DDAH1: variants seen among roughly 807,000 people sequenced by gnomAD.
DDAH1 encodes N(G),N(G)-dimethylarginine dimethylaminohydrolase 1.
Under a neutral mutation model 28.8 loss-of-function variants are expected in DDAH1, and 19 were observed. That is an observed-to-expected ratio of 0.66 (90% CI 0.46 to 0.97). The LOEUF (loss-of-function observed/expected upper bound fraction) is 0.97. Among genes scored for constraint, DDAH1 ranks in the 50% least tolerant of loss-of-function variants. The pLI is 0.00. For synonymous variants in DDAH1, 153 were observed against 154.4 expected (o/e 0.99, Z 0.07); for missense variants, 326 against 375.9 (o/e 0.87, Z 1.10).
intron 1 of DDAH1, among the ~76,000 whole-genome samples, chr1:85,413,418 A>C (rs1267764693): frequency 1.3e-5 from 2 of 152,218 alleles, no homozygotes; most frequent in Non-Finnish European, 2.9e-5. Flanking sequence ...CCCTTTAACA[A>C]GGCTTCTGAA....
At chr1:85,482,377 T>C (rs1454772635) in intron 2 of DDAH1, 1 of 152,198 alleles carries the variant, frequency 6.6e-6, no homozygotes, top group East Asian at 1.9e-4. Context: ...GAAGGGTCAA[T>C]TTGTCAAAAA....
intron 1 of DDAH1, among the ~76,000 whole-genome samples, chr1:85,371,559 A>G (rs941300723): frequency 1.3e-5 from 2 of 152,202 alleles, no homozygotes; most frequent in South Asian, 2.1e-4. Context: ...TCAGAAATCA[A>G]TTTTGAAATT....
chr1:85,516,711 AC>A (rs1277935680), intron 1 of DDAH1, among the ~76,000 whole-genome samples: 5 of 149,908 alleles, frequency 3.3e-5, no homozygotes, highest in African/African-American at 1.2e-4. Flanking sequence ...GAAGTTTGGC[AC>A]TTTTACAGAT....
intron 1 of DDAH1, among the ~76,000 whole-genome samples, chr1:85,507,504 C>CAATAAATA (rs773565540): frequency 7.5e-4 from 112 of 148,582 alleles, no homozygotes; most frequent in African/African-American, 1.8e-3. Flanking sequence ...CCCTGCATCA[C>CAATAAATA]AATAAATAAA....
chr1:85,398,411 T>C (rs1651912013), intron 1 of DDAH1: 1 of 152,352 alleles, frequency 6.6e-6, no homozygotes, highest in South Asian at 2.1e-4. Context: ...AGAAAAACTA[T>C]AGTACACCTT....
At chr1:85,428,995 T>C (rs1307917519) in intron 1 of DDAH1, among the ~76,000 whole-genome samples, 1 of 151,990 alleles carries the variant, frequency 6.6e-6, no homozygotes, top group Non-Finnish European at 1.5e-5. Flanking sequence ...GCTGTGGGGA[T>C]AGGAGGCTTT....
At chr1:85,358,620 G>A in intron 2 of DDAH1, 128 bp downstream of exon 2, 1 of 687,240 alleles carries the variant, frequency 1.5e-6, no homozygotes, top group Non-Finnish European at 2.4e-6. Flanking sequence ...CTGCACTCCG[G>A]CCTAGGTGAC....
intron 1 of DDAH1, among the ~76,000 whole-genome samples, chr1:85,516,958 C>A (rs552592910): frequency 6.6e-6 from 1 of 152,192 alleles, no homozygotes; most frequent in East Asian, 1.9e-4. Flanking sequence ...AGAGTGCAGA[C>A]TGGCCAAACA....
At chr1:85,499,319 T>C (rs1240433584) in intron 1 of DDAH1, among the ~76,000 whole-genome samples, 1 of 152,204 alleles carries the variant, frequency 6.6e-6, no homozygotes, top group Non-Finnish European at 1.5e-5. Flanking sequence ...AATTCATATA[T>C]ACATTAAATT....
At chr1:85,408,839 C>T (rs762240785) in intron 1 of DDAH1, among the ~76,000 whole-genome samples, 16 of 152,134 alleles carry the variant, frequency 1.1e-4, no homozygotes, top group East Asian at 1.9e-4. Flanking sequence ...AGTAGTAAGA[C>T]GAATATGATG....
intron 1 of DDAH1, among the ~76,000 whole-genome samples, chr1:85,539,441 C>A (rs1287553090): frequency 1.3e-5 from 2 of 152,218 alleles, no homozygotes; most frequent in Non-Finnish European, 2.9e-5. Flanking sequence ...CCGCGCCTTG[C>A]CAAAGTTACA....
intron 2 of DDAH1, among the ~76,000 whole-genome samples, chr1:85,483,201 G>A (rs1255537328): frequency 2.2e-5 from 3 of 136,804 alleles, no homozygotes; most frequent in African/African-American, 5.6e-5. Flanking sequence ...GCAATAGAGT[G>A]AGACTATCTC....
intron 4 of DDAH1, among the ~76,000 whole-genome samples, chr1:85,327,477 T>C (rs1647480956): frequency 6.6e-6 from 1 of 152,216 alleles, no homozygotes. Context: ...AGAGAGATAA[T>C]TGCTACAAAG....
intron 2 of DDAH1, among the ~76,000 whole-genome samples, chr1:85,476,435 G>C (rs952280066): frequency 8.5e-5 from 13 of 152,200 alleles, no homozygotes; most frequent in African/African-American, 2.9e-4. Flanking sequence ...CCACTTTCCA[G>C]CTGACTTTCT....
intron 1 of DDAH1, among the ~76,000 whole-genome samples, chr1:85,559,981 A>G (rs1412585220): frequency 6.6e-6 from 1 of 152,154 alleles, no homozygotes; most frequent in East Asian, 1.9e-4. Flanking sequence ...ATCTAATTAA[A>G]TCCCATGCAG....
At chr1:85,519,820 A>G (rs1657610832) in intron 1 of DDAH1, among the ~76,000 whole-genome samples, 4 of 152,204 alleles carry the variant, frequency 2.6e-5, no homozygotes, top group Admixed American at 2.0e-4. Flanking sequence ...AAAGATACAT[A>G]TTTAGTAAAA....
At chr1:85,434,132 A>G (rs1045953606) in intron 1 of DDAH1, among the ~76,000 whole-genome samples, 2 of 152,148 alleles carry the variant, frequency 1.3e-5, no homozygotes, top group African/African-American at 2.4e-5. Flanking sequence ...CTAACAGCAC[A>G]TCTTAAAATC....
intron 1 of DDAH1, among the ~76,000 whole-genome samples, chr1:85,380,021 C>T (rs188674415): frequency 6.6e-6 from 1 of 152,306 alleles, no homozygotes; most frequent in East Asian, 1.9e-4. Flanking sequence ...CAACAGAGAG[C>T]TCATTGGTTT....
intron 1 of DDAH1, among the ~76,000 whole-genome samples, chr1:85,443,104 G>A (rs1053612700): frequency 2.0e-5 from 3 of 152,148 alleles, no homozygotes; most frequent in Non-Finnish European, 2.9e-5. Flanking sequence ...CCTTGCCTAT[G>A]CCTATGTCCT....
Sources: allele counts gnomAD v4.1 joint callset (sites outside exome capture counted in the v4.1 genomes callset), GRCh38; gene constraint gnomAD v4.1.1; transcripts MANE v1.5; gene names NCBI Gene and HGNC (gene_info 2026-07-23, HGNC 2026-07-21).